The following TNR variants were observed in gnomAD, a reference collection of about 807,000 sequenced individuals.
TNR encodes tenascin-R.
Under a neutral mutation model 150.4 loss-of-function variants are expected in TNR, and 45 were observed. The observed-to-expected ratio is 0.30, with a 90% CI of 0.24 to 0.38. The LOEUF is 0.38. Ranked by LOEUF, TNR falls within the 10% of genes least tolerant of loss-of-function variation. The pLI, the probability that TNR is intolerant of heterozygous loss-of-function variation, is 1.00. For synonymous variants in TNR, 687 were observed against 678.4 expected, an observed-to-expected ratio of 1.01 and a Z score of -0.20; for missense variants, 1,544 against 1,759.1, an observed-to-expected ratio of 0.88 and a Z score of 2.19.
intron 2 of TNR, among the ~76,000 whole-genome samples, chr1:175,514,388 C>T (rs1659318974): frequency 1.3e-5 from 2 of 152,298 alleles, no homozygotes; most frequent in South Asian, 2.1e-4. Flanking sequence ...GCAGCCCTGC[C>T]AACACCTTGG....
chr1:175,334,280 A>G (rs1472658480), intron 20 of TNR, among the ~76,000 whole-genome samples: 1 of 152,214 alleles, frequency 6.6e-6, no homozygotes, highest in African/African-American at 2.4e-5. Flanking sequence ...CAAGCTAACC[A>G]TGGGAGGAAT....
intron 17 of TNR, 75 bp downstream of exon 17, chr1:175,355,427 TG>T: frequency 6.4e-7 from 1 of 1,569,218 alleles, no homozygotes; most frequent in Non-Finnish European, 8.7e-7. Flanking sequence ...CAATGTCCTG[TG>T]GTCACTCCAC....
chr1:175,578,252 A>G (rs2102226038), intron 1 of TNR, among the ~76,000 whole-genome samples: 1 of 152,104 alleles, frequency 6.6e-6, no homozygotes, highest in African/African-American at 2.4e-5. Context: ...CATTCAGGGG[A>G]GATCTGGGGA....
intron 2 of TNR, among the ~76,000 whole-genome samples, chr1:175,491,487 C>CTGAA (rs1207681131): frequency 6.6e-6 from 1 of 152,052 alleles, no homozygotes; most frequent in Non-Finnish European, 1.5e-5. Flanking sequence ...GGGAGAAAGG[C>CTGAA]TGAACTATGA....
At chr1:175,566,659 C>T (rs150423689) in intron 1 of TNR, among the ~76,000 whole-genome samples, 202 of 152,324 alleles carry the variant, frequency 1.3e-3, no homozygotes, top group Non-Finnish European at 2.6e-3. Flanking sequence ...ACAGTCACCA[C>T]GGAGTGTTTG....
intron 9 of TNR, among the ~76,000 whole-genome samples, chr1:175,371,047 A>G (rs2102018401): frequency 6.8e-6 from 1 of 146,814 alleles, no homozygotes; most frequent in African/African-American, 2.5e-5. Flanking sequence ...CTTTGCCAGC[A>G]GGTTAGACAC....
At chr1:175,596,341 ACTTT>A (rs973089502) in intron 1 of TNR, among the ~76,000 whole-genome samples, 98 of 152,168 alleles carry the variant, frequency 6.4e-4, no homozygotes, top group African/African-American at 2.3e-3. Flanking sequence ...GTCGTTCACC[ACTTT>A]CTACCAGTTC....
At chr1:175,485,482 A>G (rs954132502) in intron 2 of TNR, among the ~76,000 whole-genome samples, 6 of 152,222 alleles carry the variant, frequency 3.9e-5, no homozygotes, top group Non-Finnish European at 8.8e-5. Flanking sequence ...GGGCACAGTC[A>G]GAGATAGGAG....
At chr1:175,559,968 A>G (rs1384163568) in intron 1 of TNR, among the ~76,000 whole-genome samples, 2 of 152,210 alleles carry the variant, frequency 1.3e-5, no homozygotes, top group Non-Finnish European at 2.9e-5. Flanking sequence ...CAGGGAAATG[A>G]GATGATTGCC....
intron 1 of TNR, among the ~76,000 whole-genome samples, chr1:175,628,152 G>A (rs1023441444): frequency 1.3e-5 from 2 of 152,208 alleles, no homozygotes; most frequent in Non-Finnish European, 2.9e-5. Context: ...TGATTCTGAT[G>A]CCATTGTCTG....
chr1:175,671,464 C>T (rs1341068265), intron 1 of TNR, among the ~76,000 whole-genome samples: 1 of 152,140 alleles, frequency 6.6e-6, no homozygotes, highest in Non-Finnish European at 1.5e-5. Flanking sequence ...ATTTAGTACC[C>T]CTGGCACTTC....
intron 1 of TNR, among the ~76,000 whole-genome samples, chr1:175,687,971 C>T (rs1666252271): frequency 1.3e-5 from 2 of 152,038 alleles, no homozygotes; most frequent in Admixed American, 1.3e-4. Context: ...GGAATGTAAA[C>T]AATACATACT....
chr1:175,709,714 G>A (rs1666946958), intron 1 of TNR, among the ~76,000 whole-genome samples: 1 of 152,096 alleles, frequency 6.6e-6, no homozygotes, highest in Admixed American at 6.5e-5. Flanking sequence ...CTTGCTTTCT[G>A]TTCCCATGCC....
At chr1:175,736,926 T>A (rs1188542353) in intron 1 of TNR, among the ~76,000 whole-genome samples, 1 of 151,482 alleles carries the variant, frequency 6.6e-6, no homozygotes, top group Non-Finnish European at 1.5e-5. Context: ...GGGGCTGAGG[T>A]GGAGGGATGG....
intron 2 of TNR, among the ~76,000 whole-genome samples, chr1:175,501,087 C>T (rs1243496649): frequency 6.6e-6 from 1 of 152,076 alleles, no homozygotes; most frequent in East Asian, 1.9e-4. Flanking sequence ...TGTTGTAGGG[C>T]AATGGGGAGT....
chr1:175,520,425 C>A (rs1453078030), intron 2 of TNR, among the ~76,000 whole-genome samples: 1 of 152,232 alleles, frequency 6.6e-6, no homozygotes, highest in Non-Finnish European at 1.5e-5. Flanking sequence ...GCCTAACAAA[C>A]AACTTGCTGT....
At chr1:175,509,294 A>G (rs1257142176) in intron 2 of TNR, among the ~76,000 whole-genome samples, 1 of 152,224 alleles carries the variant, frequency 6.6e-6, no homozygotes, top group Non-Finnish European at 1.5e-5. Context: ...TGGTGAAGTT[A>G]CTTAAGCTGA....
intron 1 of TNR, among the ~76,000 whole-genome samples, chr1:175,628,147 C>T (rs1664211850): frequency 6.6e-6 from 1 of 152,152 alleles, no homozygotes; most frequent in Non-Finnish European, 1.5e-5. Context: ...CCAGGTGATT[C>T]TGATGCCATT....
chr1:175,733,367 C>CTCACTG (rs1411934066), intron 1 of TNR, among the ~76,000 whole-genome samples: 1 of 152,114 alleles, frequency 6.6e-6, no homozygotes, highest in African/African-American at 2.4e-5. Context: ...CTCTGCACTT[C>CTCACTG]TCACTGTCTC....
Sources: allele counts gnomAD v4.1 joint callset (sites outside exome capture counted in the v4.1 genomes callset), GRCh38; gene constraint gnomAD v4.1.1; transcripts MANE v1.5; gene names NCBI Gene and HGNC (gene_info 2026-07-23, HGNC 2026-07-21).